Variants in ZNF705B observed in about 807,000 individuals in gnomAD.
The protein encoded by ZNF705B is zinc finger protein 705B.
In ZNF705B, 1 loss-of-function variant was observed where a neutral mutation model predicts 10.5. That is an observed-to-expected ratio of 0.10 (90% CI 0.03 to 0.45). The LOEUF (loss-of-function observed/expected upper bound fraction) is 0.45. Ranked by LOEUF, ZNF705B falls within the 20% of genes least tolerant of loss-of-function variation. The probability of loss-of-function intolerance (pLI) is 0.97; values close to 1 mark genes in which losing one functional copy is unlikely to be tolerated. For missense variants in ZNF705B, 14 were observed against 84.0 expected (o/e 0.17, Z 3.26); for synonymous variants, 4 against 25.4 (o/e 0.16, Z 2.53).
At chr8:7,936,628 A>G (rs1397412011) in intron 2 of ZNF705B, among the ~76,000 whole-genome samples, 1 of 119,564 alleles carries the variant, frequency 8.4e-6, no homozygotes, top group East Asian at 2.4e-4. Flanking sequence ...GAACAGGAAG[A>G]CAAATACCAC....
Position 7,935,855 on chromosome 8 carries a change from A to C in ZNF705B, c.-72+5419A>C, listed in dbSNP as rs1386101883. 2.2e-5 allele frequency among the ~76,000 whole-genome samples: 2 copies of C among 91,488 alleles called. 1 individual carries two copies. Among genetic ancestry groups the C allele is most frequent in the Non-Finnish European group, 5.8e-5 (2 of 34,724 alleles). The allele number at this position is 91,488 out of a possible 152,430, so 60.0% of individuals were successfully genotyped here. On this transcript the variant is annotated intron_variant, in intron 2 of 6. Coordinates refer to ENST00000400120, the MANE Select transcript of ZNF705B (RefSeq NM_001193630.1). ...CTCTTCCTTTTATCTGTAAGTAGTCAGCTATTACGTATAGTAGTACCCAAG... is the reference window on the plus strand; with the variant it reads ...CTCTTCCTTTTATCTGTAAGTAGTCCGCTATTACGTATAGTAGTACCCAAG...
chr8:7,928,640 C>A lies in ZNF705B; in HGVS notation c.-221-1647C>A, dbSNP rs1339350465. On this transcript the variant is annotated intron_variant, in intron 1 of 6. Transcript: ENST00000400120. ...TCCTTTACCATAAAAATGCGTTGCACTACATGATTAAGAAACTCTTTGGCC... is the reference window on the plus strand; with the variant it reads ...TCCTTTACCATAAAAATGCGTTGCAATACATGATTAAGAAACTCTTTGGCC... Among the ~76,000 whole-genome samples, 2 of 103,096 alleles carry A rather than the reference C, an allele frequency of 1.9e-5. 1 individual carries two copies. The highest frequency in any genetic ancestry group is 5.4e-5 in the African/African-American group (2 of 36,770). 67.6% of individuals were successfully genotyped at this position (103,096 alleles called of 152,430 possible).
intron 2 of ZNF705B, among the ~76,000 whole-genome samples, chr8:7,941,602 GTTC>G (rs1356934355): frequency 3.4e-5 from 2 of 58,864 alleles, no homozygotes; most frequent in African/African-American, 8.7e-5. Flanking sequence ...ATTTGTATCT[GTTC>G]TTCTGGGAAA....
chr8:7,929,198 C>T (rs1193922400), intron 1 of ZNF705B, among the ~76,000 whole-genome samples: 2 of 121,406 alleles, frequency 1.6e-5, no homozygotes, highest in Admixed American at 1.9e-4. Flanking sequence ...TAATTTAATC[C>T]ATAGATGTGT....
At chr8:7,937,006 C>A (rs1292545635) in intron 2 of ZNF705B, among the ~76,000 whole-genome samples, 1 of 119,672 alleles carries the variant, frequency 8.4e-6, no homozygotes, top group African/African-American at 2.6e-5. Context: ...GCTTGTAAAC[C>A]TTGTGTATTG....
chr8:7,932,408 G>A (rs1336143528), intron 2 of ZNF705B, among the ~76,000 whole-genome samples: 2 of 121,156 alleles, frequency 1.7e-5, no homozygotes, highest in Non-Finnish European at 4.0e-5. Flanking sequence ...TTCTTTGGGA[G>A]GACACAGTGC....
intron 1 of ZNF705B, among the ~76,000 whole-genome samples, chr8:7,926,753 A>G (rs1426466109): frequency 3.5e-5 from 4 of 115,776 alleles, no homozygotes; most frequent in African/African-American, 1.0e-4. Flanking sequence ...GGGAAGTGCA[A>G]TTCAGACAAC....
At chr8:7,928,420 T>C (rs1165071942) in intron 1 of ZNF705B, among the ~76,000 whole-genome samples, 1 of 120,866 alleles carries the variant, frequency 8.3e-6, no homozygotes, top group African/African-American at 2.5e-5. Flanking sequence ...AACAAATACG[T>C]GAGTACCTCG....
chr8:7,928,866 G>C (rs186004307), intron 1 of ZNF705B, among the ~76,000 whole-genome samples: 1 of 103,882 alleles, frequency 9.6e-6, no homozygotes, highest in South Asian at 3.7e-4. Flanking sequence ...AAAAAACCAA[G>C]TGCTCTCATT....
intron 2 of ZNF705B, among the ~76,000 whole-genome samples, chr8:7,930,897 G>T (rs1428599397): frequency 7.7e-6 from 1 of 130,144 alleles, no homozygotes; most frequent in Non-Finnish European, 1.8e-5. Flanking sequence ...AGCTCTGTAG[G>T]CCAGGCTGCA....
At position 7,932,832 on chromosome 8, in the gene ZNF705B, C is replaced by T. The variant is rs1314797129; in HGVS notation, c.-72+2396C>T. On this transcript the variant is annotated intron_variant, in intron 2 of 6. Coordinates refer to ENST00000400120, the MANE Select transcript of ZNF705B (RefSeq NM_001193630.1). ...CTTTCAATGACCAAGGGGAGGCCCC[C>T]CAGTACTTTACACAAAAAAGAAAAC... Among the ~76,000 whole-genome samples the T allele has an allele frequency of 1.5e-4, 16 of 106,574 alleles. 4 individuals carry two copies. Among genetic ancestry groups the T allele is most frequent in the African/African-American group, 2.9e-4 (11 of 37,660 alleles). The allele number at this position is 106,574 out of a possible 152,430, so 69.9% of individuals were successfully genotyped here.
intron 2 of ZNF705B, among the ~76,000 whole-genome samples, chr8:7,931,176 A>G (rs1727927518): frequency 8.3e-6 from 1 of 120,984 alleles, no homozygotes; most frequent in Non-Finnish European, 2.0e-5. Flanking sequence ...GACAGTGGTG[A>G]GCTCGGTAGA....
In ZNF705B at chr8:7,936,552, A is replaced by C. The variant is rs892536298; in HGVS notation, c.-72+6116A>C. Among the ~76,000 whole-genome samples, 16 of 120,394 alleles carry C rather than the reference A, an allele frequency of 1.3e-4. 4 individuals carry two copies. The highest frequency in any genetic ancestry group is 3.0e-4 in the Non-Finnish European group (15 of 50,364). 79.0% of individuals were successfully genotyped at this position (120,394 alleles called of 152,430 possible). A position where few individuals can be genotyped will look rare whatever the true frequency, so the allele number is the denominator to read the frequency against. ...AATACTATGCATCCATAAAAAGAAC[A>C]AAATTGTGTCCTTTTCAGCAACATG... On this transcript the variant is annotated intron_variant, in intron 2 of 6. Transcript: ENST00000400120.
intron 1 of ZNF705B, among the ~76,000 whole-genome samples, chr8:7,927,934 A>T (rs569768805): frequency 3.8e-3 from 524 of 138,600 alleles, no homozygotes; most frequent in African/African-American, 0.012. Context: ...AAAGGTATGC[A>T]TCCCTGAGTT....
intron 2 of ZNF705B, among the ~76,000 whole-genome samples, chr8:7,940,733 C>T (rs1820128896): frequency 6.9e-6 from 1 of 145,910 alleles, no homozygotes; most frequent in African/African-American, 2.5e-5. Flanking sequence ...ACCTAATGCC[C>T]TCCAAGTCCA....
At chr8:7,937,624 C>A (rs1585001396) in intron 2 of ZNF705B, among the ~76,000 whole-genome samples, 1 of 120,982 alleles carries the variant, frequency 8.3e-6, no homozygotes, top group South Asian at 2.8e-4. Context: ...TGTATTTAGC[C>A]AGGGTGACTA....
Position 7,928,373 on chromosome 8 carries a change from C to T in ZNF705B, c.-221-1914C>T, listed in dbSNP as rs1431500070. ...TCCTCCCTCCGTCAATTTATTCATTCATGTATTGATTCTTTCATTCAAGTG... is the reference window on the plus strand; with the variant it reads ...TCCTCCCTCCGTCAATTTATTCATTTATGTATTGATTCTTTCATTCAAGTG... On this transcript the variant is annotated intron_variant, in intron 1 of 6. Coordinates refer to ENST00000400120, the MANE Select transcript of ZNF705B (RefSeq NM_001193630.1). 4.1e-5 allele frequency among the ~76,000 whole-genome samples: 5 copies of T among 120,928 alleles called. 1 individual carries two copies. The highest frequency in any genetic ancestry group is 9.4e-5 in the Admixed American group (1 of 10,602). 79.3% of individuals were successfully genotyped at this position (120,928 alleles called of 152,430 possible).
intron 2 of ZNF705B, among the ~76,000 whole-genome samples, chr8:7,932,227 T>C (rs1819868382): frequency 1.7e-5 from 2 of 121,122 alleles, no homozygotes; most frequent in Non-Finnish European, 4.0e-5. Flanking sequence ...TTTTTTACCT[T>C]TTCACCACAC....
At chr8:7,928,749 C>CAA (rs548498381) in intron 1 of ZNF705B, among the ~76,000 whole-genome samples, 5,029 of 52,094 alleles carry the variant, frequency 0.097, 272 homozygotes, top group African/African-American at 0.18. Flanking sequence ...AACCAGGTAG[C>CAA]AAAAAAAAAA....
Sources: allele counts gnomAD v4.1 joint callset (sites outside exome capture counted in the v4.1 genomes callset), GRCh38; gene constraint gnomAD v4.1.1; transcripts MANE v1.5; gene names NCBI Gene and HGNC (gene_info 2026-07-23, HGNC 2026-07-21).